The following SLC5A12 variants were observed in gnomAD, a reference collection of about 807,000 sequenced individuals.
The protein encoded by SLC5A12 is solute carrier family 5 member 12, also known as sodium-coupled monocarboxylate transporter 2.
A neutral mutation model predicts 72.7 loss-of-function variants in SLC5A12; 46 were observed. The ratio of observed to expected loss-of-function variants is 0.63; its 90% CI spans 0.50 to 0.81. The LOEUF is 0.81. SLC5A12 is among the 30% of genes least tolerant of loss of function. The pLI, the probability that SLC5A12 is intolerant of heterozygous loss-of-function variation, is 0.00. For missense variants in SLC5A12, 683 were observed against 740.7 expected (o/e 0.92, Z 0.90); for synonymous variants, 275 against 264.4 (o/e 1.04, Z -0.39).
chr11:26,676,576 G>C (rs566879168), intron 13 of SLC5A12, among the ~76,000 whole-genome samples: 13 of 152,160 alleles, frequency 8.5e-5, no homozygotes, highest in Admixed American at 3.9e-4. Context: ...ATACTGTCCT[G>C]ATAATGGGAT....
intron 8 of SLC5A12, among the ~76,000 whole-genome samples, chr11:26,694,983 A>G (rs1854774941): frequency 6.6e-6 from 1 of 152,012 alleles, no homozygotes; most frequent in Admixed American, 6.6e-5. Flanking sequence ...TCAAAGCACA[A>G]TTACATAAGA....
At chr11:26,706,845 T>C (rs1344864477) in intron 4 of SLC5A12, among the ~76,000 whole-genome samples, 2 of 150,166 alleles carry the variant, frequency 1.3e-5, no homozygotes, top group East Asian at 1.9e-4. Flanking sequence ...TTTTAAATTG[T>C]ACAATAATAT....
At chr11:26,716,799 C>G (rs1281761792) in intron 1 of SLC5A12, among the ~76,000 whole-genome samples, 1 of 152,172 alleles carries the variant, frequency 6.6e-6, no homozygotes, top group African/African-American at 2.4e-5. Context: ...ACTATCATCT[C>G]TTGCTCAGAT....
At chr11:26,715,505 T>G (rs1855330779) in intron 1 of SLC5A12, among the ~76,000 whole-genome samples, 1 of 152,192 alleles carries the variant, frequency 6.6e-6, no homozygotes, top group African/African-American at 2.4e-5. Flanking sequence ...AGTGGTAACC[T>G]GCTCAAAATT....
At chr11:26,695,925 G>A (rs1854799834) in intron 8 of SLC5A12, among the ~76,000 whole-genome samples, 1 of 152,060 alleles carries the variant, frequency 6.6e-6, no homozygotes, top group African/African-American at 2.4e-5. Context: ...TCTCCGCAGG[G>A]CTTTAGTATT....
rs1177782247 is a variant in SLC5A12, at chr11:26,669,828, G to A, written c.*1274C>T. On this transcript the variant is annotated 3_prime_UTR_variant, in exon 15 of 15. Transcript: ENST00000396005. ...TTACTTTGCTAACACACTGTTTCTA[G>A]GCCTTTTGCTTTTATCTGGCCACCA... 1 of 151,966 alleles carries A rather than the reference G, an allele frequency of 6.6e-6. No homozygotes were observed. The highest frequency in any genetic ancestry group is 1.5e-5 in the Non-Finnish European group (1 of 67,978). 9.4% of individuals were successfully genotyped at this position (151,966 alleles called of 1,614,324 possible).
intron 6 of SLC5A12, among the ~76,000 whole-genome samples, chr11:26,699,952 T>C (rs549996384): frequency 6.6e-6 from 1 of 152,350 alleles, no homozygotes; most frequent in South Asian, 2.1e-4. Flanking sequence ...GTAGAAATTC[T>C]TTACTACATA....
At position 26,683,825 on chromosome 11, in the gene SLC5A12, C is replaced by T. The variant is rs757924522; in HGVS notation, c.1240G>A (p.Gly414Ser). 14 of 1,596,556 alleles carry T rather than the reference C, an allele frequency of 8.8e-6. No individual in the cohort carries two copies. The highest frequency in any genetic ancestry group is 2.3e-5 in the South Asian group (2 of 87,786). ...CCCAGCATTGGTCCTCCACACATGC[C>T]GTGAATGCTGAGGGAAGCCTGTGGA... ...GVVQASLSIHGMCGGPMLGLF... is the reference protein window; with the variant it reads ...GVVQASLSIHSMCGGPMLGLF... The change falls in exon 11 of 15, where the codon GGC becomes AGC. Residue 414 changes from glycine (G) to serine (S), a missense_variant. Gly to Ser is a moderately conservative substitution (Grantham distance 56). Coordinates refer to ENST00000396005, the MANE Select transcript of SLC5A12 (RefSeq NM_178498.4).
Position 26,668,902 on chromosome 11 carries a change from G to A in SLC5A12, c.*2200C>T, listed in dbSNP as rs889599618. 8 of 151,874 alleles carry A rather than the reference G, an allele frequency of 5.3e-5. No homozygotes were observed. Among genetic ancestry groups the A allele is most frequent in the Non-Finnish European group, 7.4e-5 (5 of 67,954 alleles). The allele number at this position is 151,874 out of a possible 1,614,324, so 9.4% of individuals were successfully genotyped here. A position where few individuals can be genotyped will look rare whatever the true frequency, so the allele number is the denominator to read the frequency against. The stretch of plus-strand genomic sequence containing the variant: ...GAAGAAACGTTTTTAAAACTTTCTC[G>A]GAAATGTACTGACCTAGTGAAATGT... On this transcript the variant is annotated 3_prime_UTR_variant, in exon 15 of 15. Transcript: ENST00000396005.
rs1854322992 is a variant in SLC5A12, at chr11:26,678,740, A to C, written c.1551T>G (p.Val517=). 1.2e-6 allele frequency: 2 copies of C among 1,613,160 alleles called. No individual in the cohort carries two copies. Among genetic ancestry groups the C allele is most frequent in the Admixed American group, 1.7e-5 (1 of 59,898 alleles). ...TTATGAGGCTGATGATTACTCCAGCAACAATGCATCCTAAGCAGCCCACTG... is the reference window on the plus strand; with the variant it reads ...TTATGAGGCTGATGATTACTCCAGCCACAATGCATCCTAAGCAGCCCACTG... The part of the protein sequence containing the change: ...YSAVGCLGCI[V]AGVIISLITG... Residue 517 remains valine, a synonymous_variant, in exon 13 of 15, where the codon GTT becomes GTG. Transcript: ENST00000396005.
At chr11:26,699,801 TA>T in intron 6 of SLC5A12, among the ~76,000 whole-genome samples, 1 of 152,340 alleles carries the variant, frequency 6.6e-6, no homozygotes, top group South Asian at 2.1e-4. Flanking sequence ...TTTATGTCAC[TA>T]TAGTATTTAT....
chr11:26,682,056 C>A (rs1356140954), intron 11 of SLC5A12, among the ~76,000 whole-genome samples: 1 of 151,764 alleles, frequency 6.6e-6, no homozygotes, highest in Non-Finnish European at 1.5e-5. Flanking sequence ...AACAGTCAGA[C>A]AATAAATATT....
rs1233394560 is a variant in SLC5A12 at position 26,669,071 on chromosome 11, A to ATG, written c.*2029_*2030dup. 1.3e-5 allele frequency: 2 copies of ATG among 151,740 alleles called. No homozygotes were observed. Among genetic ancestry groups the ATG allele is most frequent in the African/African-American group, 4.8e-5 (2 of 41,394 alleles). The allele number at this position is 151,740 out of a possible 1,614,324, so 9.4% of individuals were successfully genotyped here. On this transcript the variant is annotated 3_prime_UTR_variant, in exon 15 of 15. Coordinates refer to ENST00000396005, the MANE Select transcript of SLC5A12 (RefSeq NM_178498.4). The stretch of plus-strand genomic sequence containing the variant: ...CATATATATGTGTACAGATATATAT[A>ATG]TGTATATGCATATGTAATACCTACC...
rs184968635 is a variant in SLC5A12 at position 26,717,636 on chromosome 11, C to T, written c.339+3740G>A. On this transcript the variant is annotated intron_variant, in intron 1 of 14. Coordinates refer to ENST00000396005, the MANE Select transcript of SLC5A12 (RefSeq NM_178498.4). Reference sequence around the variant, plus strand: ...ATATCAAGGCATTTAAATCAGTTGGCTATTGCTATATAACACTCGCCTCCA... The same window carrying T: ...ATATCAAGGCATTTAAATCAGTTGGTTATTGCTATATAACACTCGCCTCCA... Among the ~76,000 whole-genome samples the T allele has an allele frequency of 3.0e-3, 452 of 152,266 alleles. 2 individuals are homozygous for T. The highest frequency in any genetic ancestry group is 5.0e-3 in the Non-Finnish European group (342 of 68,010).
intron 8 of SLC5A12, among the ~76,000 whole-genome samples, chr11:26,695,690 T>C (rs1282968495): frequency 6.6e-6 from 1 of 152,190 alleles, no homozygotes; most frequent in African/African-American, 2.4e-5. Flanking sequence ...GCTCAAATCT[T>C]CCTGACACAG....
Position 26,699,374 on chromosome 11 carries a change from G to A in SLC5A12, c.822-839C>T, listed in dbSNP as rs913874049. Among the ~76,000 whole-genome samples the A allele has an allele frequency of 5.9e-5, 9 of 152,256 alleles. No individual in the cohort carries two copies. The East Asian group carries it at 7.7e-4, about 13-fold the overall frequency. ...ATCATATTTAAATGTAAAGACACAC[G>A]TTTATTTCAAAATCCTCTAAAACCT... is the stretch of plus-strand genomic sequence containing the variant. On this transcript the variant is annotated intron_variant, in intron 6 of 14. Coordinates refer to ENST00000396005, the MANE Select transcript of SLC5A12 (RefSeq NM_178498.4).
chr11:26,701,594 A>T (rs1854959114), intron 6 of SLC5A12, among the ~76,000 whole-genome samples: 1 of 152,156 alleles, frequency 6.6e-6, no homozygotes. Context: ...TATATACAGA[A>T]ATGTGTGTGT....
At chr11:26,681,295 T>G in intron 11 of SLC5A12, 74 bp from the exon 12 acceptor site, 6 of 1,073,850 alleles carry the variant, frequency 5.6e-6, no homozygotes, top group Non-Finnish European at 7.7e-6. Flanking sequence ...GATGAGGAGT[T>G]CTATGCCTTA....
intron 6 of SLC5A12, among the ~76,000 whole-genome samples, chr11:26,700,170 G>T (rs1355582047): frequency 1.3e-5 from 2 of 152,124 alleles, no homozygotes; most frequent in Non-Finnish European, 2.9e-5. Flanking sequence ...AAAATATGTG[G>T]AGGTTATATA....
Sources: gnomAD v4.1 joint callset for allele counts (sites outside exome capture counted in the v4.1 genomes callset) on GRCh38, gnomAD v4.1.1 for gene constraint, MANE v1.5 for transcripts, NCBI Gene and HGNC (gene_info 2026-07-23, HGNC 2026-07-21) for gene names.